The following CWC27 variants were observed in gnomAD, a reference collection of about 807,000 sequenced individuals.
CWC27 encodes the protein spliceosome-associated protein CWC27 homolog.
Under a neutral mutation model 63.6 loss-of-function variants are expected in CWC27, and 47 were observed. That is an observed-to-expected ratio of 0.74 (90% CI 0.58 to 0.94). CWC27 has a LOEUF of 0.94. CWC27 is among the 40% of genes least tolerant of loss of function. The pLI is 0.00. For missense variants in CWC27, 495 were observed against 554.3 expected (o/e 0.89, Z 1.07); for synonymous variants, 175 against 179.8 (o/e 0.97, Z 0.22).
At chr5:64,964,567 G>A (rs1453776062) in intron 11 of CWC27, among the ~76,000 whole-genome samples, 1 of 152,066 alleles carries the variant, frequency 6.6e-6, no homozygotes, top group Admixed American at 6.6e-5. Context: ...TCTACATGCA[G>A]GCATACAGAC....
At chr5:65,004,909 T>TACATAC (rs1554030584) in intron 13 of CWC27, among the ~76,000 whole-genome samples, 11 of 65,088 alleles carry the variant, frequency 1.7e-4, no homozygotes, top group African/African-American at 6.2e-4. Context: ...TATATATACA[T>TACATAC]ACACACACAC....
chr5:65,007,305 A>G (rs544155619), intron 13 of CWC27, among the ~76,000 whole-genome samples: 1 of 152,338 alleles, frequency 6.6e-6, no homozygotes, highest in African/African-American at 2.4e-5. Flanking sequence ...AACTTGCCAC[A>G]GCCAAGAGTA....
chr5:64,838,693 G>A lies in CWC27; in HGVS notation c.938+34307G>A, dbSNP rs916573841. Among the ~76,000 whole-genome samples, 12 of 152,198 alleles carry A rather than the reference G, an allele frequency of 7.9e-5. No homozygotes were observed. The Middle Eastern group carries it at 0.01, about 129-fold the overall frequency. ...TCTGCCACAAACTTACAAGTGCTCCGGAAAGCCCATTTCCCCATAGGTATT... is the reference window on the plus strand; with the variant it reads ...TCTGCCACAAACTTACAAGTGCTCCAGAAAGCCCATTTCCCCATAGGTATT... On this transcript the variant is annotated intron_variant, in intron 10 of 13. Coordinates refer to ENST00000381070, the MANE Select transcript of CWC27 (RefSeq NM_005869.4).
intron 13 of CWC27, among the ~76,000 whole-genome samples, chr5:64,980,875 T>G (rs1238273848): frequency 1.3e-5 from 2 of 152,186 alleles, no homozygotes; most frequent in East Asian, 3.9e-4. Flanking sequence ...GTGGATCACT[T>G]GAGGTCAAGA....
At chr5:64,852,043 G>A (rs893207594) in intron 10 of CWC27, among the ~76,000 whole-genome samples, 5 of 152,126 alleles carry the variant, frequency 3.3e-5, no homozygotes, top group Admixed American at 3.3e-4. Flanking sequence ...ATAATTTGGA[G>A]AGCATGATAT....
intron 11 of CWC27, among the ~76,000 whole-genome samples, chr5:64,886,235 T>G (rs985822920): frequency 7.2e-5 from 11 of 152,152 alleles, no homozygotes; most frequent in Non-Finnish European, 1.6e-4. Context: ...TTTAATTTAG[T>G]TTAAAATTGT....
At position 64,768,978 on chromosome 5, in the gene CWC27, C is replaced by T. The variant is rs1043607490; in HGVS notation, c.-169C>T. On this transcript the variant is annotated 5_prime_UTR_variant, in exon 1 of 14. Coordinates refer to ENST00000381070, the MANE Select transcript of CWC27 (RefSeq NM_005869.4). ...ACATGGCGGCGTCCGTGAGGGGCTC[C>T]TTTGGGCAGGGGTAGTGTTTGGTGT... is the stretch of plus-strand genomic sequence containing the variant. The T allele has an allele frequency of 2.3e-5, 14 of 615,756 alleles. No individual in the cohort carries two copies. Among genetic ancestry groups the T allele is most frequent in the Non-Finnish European group, 3.8e-5 (13 of 346,202 alleles). 38.1% of individuals were successfully genotyped at this position (615,756 alleles called of 1,614,324 possible).
At chr5:64,990,267 T>TTTTTTTTTTTTTTTTTTTTTTG in intron 13 of CWC27, among the ~76,000 whole-genome samples, 2 of 18,732 alleles carry the variant, frequency 1.1e-4, no homozygotes, top group Admixed American at 9.3e-4. Context: ...TTTTTTTTTG[T>TTTTTTTTTTTTTTTTTTTTTTG]TTTTTTTTTT....
intron 10 of CWC27, among the ~76,000 whole-genome samples, chr5:64,818,861 A>G (rs754344404): frequency 1.1e-4 from 16 of 152,156 alleles, no homozygotes; most frequent in Non-Finnish European, 2.4e-4. Context: ...ATTTTAGTGA[A>G]GTTTTAAAAA....
intron 10 of CWC27, among the ~76,000 whole-genome samples, chr5:64,805,609 A>T (rs1358671547): frequency 6.6e-6 from 1 of 151,948 alleles, no homozygotes; most frequent in East Asian, 1.9e-4. Flanking sequence ...ATATTTAAAA[A>T]TTTTAATAGA....
At chr5:64,916,104 C>T (rs1462832999) in intron 11 of CWC27, among the ~76,000 whole-genome samples, 1 of 152,130 alleles carries the variant, frequency 6.6e-6, no homozygotes, top group African/African-American at 2.4e-5. Flanking sequence ...TCCAAATAAC[C>T]CAAGTTTAAT....
At chr5:64,792,456 C>G (rs1194203220) in intron 7 of CWC27, among the ~76,000 whole-genome samples, 1 of 152,126 alleles carries the variant, frequency 6.6e-6, no homozygotes, top group Non-Finnish European at 1.5e-5. Context: ...TCCCATCACA[C>G]CTCTGGATAT....
chr5:64,914,302 G>C (rs576224572), intron 11 of CWC27, among the ~76,000 whole-genome samples: 1 of 152,048 alleles, frequency 6.6e-6, no homozygotes, highest in Non-Finnish European at 1.5e-5. Flanking sequence ...GGAAACATTT[G>C]CTGAACTTTT....
intron 11 of CWC27, among the ~76,000 whole-genome samples, chr5:64,929,183 G>A (rs1748183707): frequency 6.6e-6 from 1 of 152,146 alleles, no homozygotes; most frequent in Non-Finnish European, 1.5e-5. Context: ...TGAACTTAAT[G>A]ATTTCTTAGG....
intron 10 of CWC27, among the ~76,000 whole-genome samples, chr5:64,835,827 G>T (rs1372043445): frequency 6.6e-6 from 1 of 151,624 alleles, no homozygotes; most frequent in African/African-American, 2.4e-5. Flanking sequence ...TTTTGCCTAA[G>T]GAAAAGGACT....
At chr5:64,785,937 G>T (rs533515094) in intron 5 of CWC27, among the ~76,000 whole-genome samples, 2 of 152,050 alleles carry the variant, frequency 1.3e-5, no homozygotes, top group South Asian at 2.1e-4. Flanking sequence ...TGCTGAGGTG[G>T]GTGGATCATG....
At chr5:64,906,598 A>C (rs146704712) in intron 11 of CWC27, among the ~76,000 whole-genome samples, 5,537 of 152,224 alleles carry the variant, frequency 0.036, 357 homozygotes, top group African/African-American at 0.13. Context: ...AGATTGCAAA[A>C]ATTTTCTCCC....
chr5:64,852,801 G>A (rs10940006), intron 10 of CWC27, among the ~76,000 whole-genome samples: 9 of 151,218 alleles, frequency 6.0e-5, no homozygotes. Flanking sequence ...TTAAATTAAG[G>A]GCTTTTCATA....
At chr5:64,869,545 A>G (rs1746613987) in intron 10 of CWC27, among the ~76,000 whole-genome samples, 1 of 152,074 alleles carries the variant, frequency 6.6e-6, no homozygotes, top group East Asian at 1.9e-4. Context: ...TATGGAAAAG[A>G]AAAACTGACC....
Sources: allele counts gnomAD v4.1 joint callset (sites outside exome capture counted in the v4.1 genomes callset), GRCh38; gene constraint gnomAD v4.1.1; transcripts MANE v1.5; gene names NCBI Gene and HGNC (gene_info 2026-07-23, HGNC 2026-07-21).